Variants in ITGB6 observed in about 807,000 individuals in gnomAD.
The protein encoded by ITGB6 is integrin subunit beta 6, also known as integrin beta-6.
ITGB6 carries 80 observed loss-of-function variants against 84.5 expected under a neutral mutation model. The observed-to-expected ratio is 0.95, with a 90% confidence interval of 0.79 to 1.14. The LOEUF (loss-of-function observed/expected upper bound fraction) is 1.14. ITGB6 is among the 50% of genes most tolerant of loss of function. The probability of loss-of-function intolerance (pLI) is 0.00; values close to 1 mark genes in which losing one functional copy is unlikely to be tolerated. For synonymous variants in ITGB6, 383 were observed against 354.9 expected, an observed-to-expected ratio of 1.08 and a Z score of -0.89; for missense variants, 1,006 against 968.0, an observed-to-expected ratio of 1.04 and a Z score of -0.52.
At chr2:160,109,443 C>A (rs1474105808) in intron 13 of ITGB6, among the ~76,000 whole-genome samples, 1 of 152,138 alleles carries the variant, frequency 6.6e-6, no homozygotes, top group Non-Finnish European at 1.5e-5. Context: ...CTGTTCAAAG[C>A]AAGATGAAGC....
chr2:160,127,990 C>G (rs1683302389), intron 10 of ITGB6, among the ~76,000 whole-genome samples: 1 of 152,076 alleles, frequency 6.6e-6, no homozygotes, highest in Non-Finnish European at 1.5e-5. Flanking sequence ...TTTACATTCA[C>G]CAGTTAGATG....
rs1373509404 is a variant in ITGB6, at chr2:160,185,713, T to C, written c.593+9656A>G. ...AGCTGGAGGCATCATGCCACCTGAC[T>C]TCAAACTATACTACAAAGCTACAGT... On this transcript the variant is annotated intron_variant, in intron 4 of 14. Transcript: ENST00000283249. 2.0e-5 allele frequency among the ~76,000 whole-genome samples: 3 copies of C among 152,174 alleles called. No homozygotes were observed. In the East Asian group the frequency reaches 5.8e-4, roughly 29 times the overall value.
chr2:160,101,337 A>G lies in ITGB6; in HGVS notation c.*399T>C, dbSNP rs1341487906. ...ACAAGTTTAGAATTAATTGGCAAGTATAGACACACAATGTGAGTATATGGG... is the reference window on the plus strand; with the variant it reads ...ACAAGTTTAGAATTAATTGGCAAGTGTAGACACACAATGTGAGTATATGGG... On this transcript the variant is annotated 3_prime_UTR_variant, in exon 15 of 15. Coordinates refer to ENST00000283249, the MANE Select transcript of ITGB6 (RefSeq NM_000888.5). 1 of 191,422 alleles carries G rather than the reference A, an allele frequency of 5.2e-6. No individual in the cohort carries two copies. The highest frequency in any genetic ancestry group is 1.8e-4 in the East Asian group (1 of 5,678). 11.9% of individuals were successfully genotyped at this position (191,422 alleles called of 1,614,324 possible).
intron 7 of ITGB6, among the ~76,000 whole-genome samples, chr2:160,157,819 C>A (rs897600752): frequency 3.3e-5 from 5 of 150,828 alleles, no homozygotes; most frequent in Non-Finnish European, 7.4e-5. Context: ...AAAAACAGCT[C>A]TTTGCTGGCA....
intron 4 of ITGB6, among the ~76,000 whole-genome samples, chr2:160,191,515 C>A (rs373554590): frequency 2.2e-4 from 33 of 152,200 alleles, no homozygotes; most frequent in African/African-American, 7.9e-4. Context: ...AATAGAAGAT[C>A]ATTTCTTTGA....
chr2:160,169,367 A>T, intron 6 of ITGB6, 60 bp from the exon 7 acceptor site: 1 of 990,654 alleles, frequency 1.0e-6, no homozygotes, highest in Non-Finnish European at 1.5e-6. Context: ...TAAAGAAAGG[A>T]ATATTTATTT....
chr2:160,128,007 A>G (rs1399778616), intron 10 of ITGB6, among the ~76,000 whole-genome samples: 1 of 152,198 alleles, frequency 6.6e-6, no homozygotes, highest in Non-Finnish European at 1.5e-5. Context: ...GATGTCCCAT[A>G]AGCATACACT....
chr2:160,152,934 AAG>A (rs1684485154), intron 7 of ITGB6, among the ~76,000 whole-genome samples: 3 of 151,626 alleles, frequency 2.0e-5, no homozygotes, highest in Non-Finnish European at 3.0e-5. Flanking sequence ...AATGAAATAA[AAG>A]AGGACACAAA....
chr2:160,121,529 A>G (rs1185316353), intron 12 of ITGB6, among the ~76,000 whole-genome samples: 1 of 152,198 alleles, frequency 6.6e-6, no homozygotes, highest in African/African-American at 2.4e-5. Context: ...GCATGCCTGT[A>G]ATCCCAGCAA....
In ITGB6 at chr2:160,190,062, A is replaced by G. The variant is rs59686144; in HGVS notation, c.593+5307T>C. On this transcript the variant is annotated intron_variant, in intron 4 of 14. Coordinates refer to ENST00000283249, the MANE Select transcript of ITGB6 (RefSeq NM_000888.5). ...AGTTCATGTCCTTTGTAGGAACATG[A>G]ATGAAGCTGGAAACCATCATTCTCA... 6.6e-3 allele frequency among the ~76,000 whole-genome samples: 1,011 copies of G among 152,102 alleles called. 14 individuals carry two copies. The highest frequency in any genetic ancestry group is 0.023 in the African/African-American group (973 of 41,424).
chr2:160,106,501 A>T (rs1192932278), intron 14 of ITGB6, among the ~76,000 whole-genome samples: 1 of 152,164 alleles, frequency 6.6e-6, no homozygotes, highest in Non-Finnish European at 1.5e-5. Flanking sequence ...GGCCTCCCAA[A>T]GTTCTAAGAT....
intron 11 of ITGB6, among the ~76,000 whole-genome samples, chr2:160,125,493 A>G (rs1290679838): frequency 2.0e-5 from 3 of 152,200 alleles, no homozygotes; most frequent in African/African-American, 7.2e-5. Context: ...TCATGTCCTC[A>G]TGCTTCTCCT....
intron 7 of ITGB6, among the ~76,000 whole-genome samples, chr2:160,151,656 G>T (rs932023727): frequency 6.6e-6 from 1 of 152,054 alleles, no homozygotes; most frequent in African/African-American, 2.4e-5. Context: ...ATGAATCTAG[G>T]AGCTGGCTTT....
At chr2:160,124,134 T>C (rs1468505980) in intron 11 of ITGB6, among the ~76,000 whole-genome samples, 1 of 152,260 alleles carries the variant, frequency 6.6e-6, no homozygotes, top group Non-Finnish European at 1.5e-5. Flanking sequence ...TTCATTTACC[T>C]GTAATGATTG....
chr2:160,114,973 T>C (rs1682701117), intron 12 of ITGB6, among the ~76,000 whole-genome samples: 1 of 152,182 alleles, frequency 6.6e-6, no homozygotes, highest in Non-Finnish European at 1.5e-5. Context: ...TGCCCAGGCT[T>C]GATTAGGTAA....
At chr2:160,158,112 T>C (rs1200948449) in intron 7 of ITGB6, among the ~76,000 whole-genome samples, 2 of 146,596 alleles carry the variant, frequency 1.4e-5, no homozygotes, top group Non-Finnish European at 2.9e-5. Flanking sequence ...GTCTCTGGGT[T>C]GCATGATATC....
intron 10 of ITGB6, among the ~76,000 whole-genome samples, chr2:160,126,900 C>T (rs1318358311): frequency 2.0e-5 from 3 of 152,162 alleles, no homozygotes; most frequent in Non-Finnish European, 4.4e-5. Flanking sequence ...GACCCCTCCT[C>T]TCAGCCAAGG....
intron 7 of ITGB6, among the ~76,000 whole-genome samples, chr2:160,156,917 G>T (rs968359762): frequency 6.6e-6 from 1 of 152,220 alleles, no homozygotes; most frequent in Admixed American, 6.5e-5. Context: ...TAATGAGTAA[G>T]CCTGACTGGG....
chr2:160,155,279 T>A (rs1342143738), intron 7 of ITGB6, among the ~76,000 whole-genome samples: 1 of 152,118 alleles, frequency 6.6e-6, no homozygotes, highest in Non-Finnish European at 1.5e-5. Flanking sequence ...AGTAAAAAGA[T>A]GAGTGGTTGC....
Sources: gnomAD v4.1 joint callset for allele counts (sites outside exome capture counted in the v4.1 genomes callset) on GRCh38, gnomAD v4.1.1 for gene constraint, MANE v1.5 for transcripts, NCBI Gene and HGNC (gene_info 2026-07-23, HGNC 2026-07-21) for gene names.